OR52N2: variants seen among roughly 807,000 people sequenced by gnomAD.
OR52N2 encodes olfactory receptor family 52 subfamily N member 2, also known as olfactory receptor 52N2.
For missense variants in OR52N2, 326 were observed against 196.6 expected, an observed-to-expected ratio of 1.66 and a Z score of -3.94; for synonymous variants, 129 against 72.0, an observed-to-expected ratio of 1.79 and a Z score of -4.01.
rs748320750 is a variant in OR52N2 at position 5,820,400 on chromosome 11, T to A, written c.65T>A (p.Leu22Gln). The change falls in exon 2 of 2, where the codon CTG becomes CAG. Residue 22 changes from leucine to glutamine, a missense_variant. Transcript: ENST00000317037. ...TTTATCTTGAATGGCGTTCCTGGGCTGGAAGCCACACACATCTGGATCTCC... is the reference window on the plus strand; with the variant it reads ...TTTATCTTGAATGGCGTTCCTGGGCAGGAAGCCACACACATCTGGATCTCC... ...GFFILNGVPG[L>Q]EATHIWISLP... is the part of the protein sequence containing the mutation. 6.4e-6 allele frequency: 5 copies of A among 780,820 alleles called. No individual in the cohort carries two copies. The highest frequency in any genetic ancestry group is 1.2e-5 in the Non-Finnish European group (5 of 418,084). The allele number at this position is 780,820 out of a possible 1,614,324, so 48.4% of individuals were successfully genotyped here. A position where few individuals can be genotyped will look rare whatever the true frequency, so the allele number is the denominator to read the frequency against.
rs745461368 is a variant in OR52N2, at chr11:5,820,834, C to A, written c.499C>A (p.Arg167Ser). The part of the protein sequence containing the change: ...LIIPFTLLTK[R>S]LPYCRGNFIP... ...CATCCCATTCACTCTCCTCACCAAG[C>A]GCCTGCCCTATTGCCGGGGGAACTT... Residue 167 changes from arginine (R) to serine (S), a missense_variant, in exon 2 of 2, where the codon CGC (arginine) becomes AGC (serine). Coordinates refer to ENST00000317037, the MANE Select transcript of OR52N2 (RefSeq NM_001005174.3). 2.3e-5 allele frequency: 18 copies of A among 779,876 alleles called. No homozygotes were observed. Among genetic ancestry groups the A allele is most frequent in the Non-Finnish European group, 4.3e-5 (18 of 417,718 alleles). The allele number at this position is 779,876 out of a possible 1,614,324, so 48.3% of individuals were successfully genotyped here. A position where few individuals can be genotyped will look rare whatever the true frequency, so the allele number is the denominator to read the frequency against.
At chr11:5,813,599 A>T (rs1027111645) in intron 1 of OR52N2, among the ~76,000 whole-genome samples, 10 of 152,334 alleles carry the variant, frequency 6.6e-5, no homozygotes, top group African/African-American at 2.4e-4. Flanking sequence ...TCTACCGAAC[A>T]TTTAAAGGGG....
intron 1 of OR52N2, among the ~76,000 whole-genome samples, chr11:5,817,240 C>T (rs1590367213): frequency 6.6e-6 from 1 of 152,074 alleles, no homozygotes; most frequent in East Asian, 1.9e-4. Context: ...TACTTCATAT[C>T]ATTTCATACA....
intron 1 of OR52N2, among the ~76,000 whole-genome samples, chr11:5,815,977 C>T (rs1241231123): frequency 6.6e-6 from 1 of 151,612 alleles, no homozygotes; most frequent in East Asian, 1.9e-4. Context: ...ACATATAATG[C>T]AATATTACTC....
intron 1 of OR52N2, among the ~76,000 whole-genome samples, chr11:5,816,545 C>CTTTTTTTTTT (rs1464421774): frequency 7.3e-5 from 11 of 150,596 alleles, no homozygotes; most frequent in South Asian, 2.1e-4. Context: ...TGATCTAAAT[C>CTTTTTTTTTT]TTCTTTTTTT....
intron 1 of OR52N2, among the ~76,000 whole-genome samples, chr11:5,814,077 G>A (rs1257062332): frequency 2.6e-5 from 4 of 152,150 alleles, no homozygotes; most frequent in Admixed American, 6.5e-5. Flanking sequence ...AAAGTTGAAA[G>A]CTTTTCCTCT....
chr11:5,811,216 G>C (rs1227629771), intron 1 of OR52N2, among the ~76,000 whole-genome samples: 2 of 152,000 alleles, frequency 1.3e-5, no homozygotes, highest in Non-Finnish European at 2.9e-5. Flanking sequence ...ACAGGATGCT[G>C]ATTAGTGACA....
At chr11:5,812,487 T>A (rs1464736710) in intron 1 of OR52N2, among the ~76,000 whole-genome samples, 6 of 69,206 alleles carry the variant, frequency 8.7e-5, no homozygotes, top group Admixed American at 2.4e-4. Context: ...AGAGCGAGAC[T>A]CCATCTCAAA....
chr11:5,813,290 G>C (rs1471605985), intron 1 of OR52N2, among the ~76,000 whole-genome samples: 1 of 151,688 alleles, frequency 6.6e-6, no homozygotes, highest in African/African-American at 2.4e-5. Flanking sequence ...GAAAAAAGAG[G>C]CATTACAACT....
chr11:5,815,780 C>T (rs777305401), intron 1 of OR52N2, among the ~76,000 whole-genome samples: 3 of 152,042 alleles, frequency 2.0e-5, no homozygotes, highest in Non-Finnish European at 4.4e-5. Context: ...TGCAGTCACA[C>T]GTTCATTGCA....
intron 1 of OR52N2, among the ~76,000 whole-genome samples, chr11:5,814,877 C>T (rs1185630578): frequency 6.6e-6 from 1 of 152,162 alleles, no homozygotes; most frequent in Non-Finnish European, 1.5e-5. Context: ...GTCAGAACTG[C>T]AGACCAATGA....
intron 1 of OR52N2, among the ~76,000 whole-genome samples, chr11:5,812,457 T>C (rs1179965594): frequency 3.0e-5 from 4 of 132,676 alleles, no homozygotes; most frequent in Non-Finnish European, 6.1e-5. Flanking sequence ...ATCCTGCCAC[T>C]GCACTCCAGC....
chr11:5,818,497 A>C lies in OR52N2; in HGVS notation c.-54-1785A>C, dbSNP rs540792190. On this transcript the variant is annotated intron_variant, in intron 1 of 1. Transcript: ENST00000317037. Reference sequence around the variant, plus strand: ...ATCCTAGATTTCAAACAACTCCTAAAGATTCTCAGCCATGCACAGAGATTT... The same window carrying C: ...ATCCTAGATTTCAAACAACTCCTAACGATTCTCAGCCATGCACAGAGATTT... 5.3e-5 allele frequency among the ~76,000 whole-genome samples: 8 copies of C among 152,242 alleles called. No homozygotes were observed. In the South Asian group the frequency reaches 1.7e-3, roughly 32 times the overall value.
intron 1 of OR52N2, among the ~76,000 whole-genome samples, chr11:5,819,101 A>G (rs1170017816): frequency 6.6e-6 from 1 of 152,206 alleles, no homozygotes. Context: ...AATCCATGCC[A>G]TCACACTGCA....
intron 1 of OR52N2, among the ~76,000 whole-genome samples, chr11:5,809,373 T>C (rs935323983): frequency 2.0e-5 from 3 of 152,066 alleles, no homozygotes; most frequent in Non-Finnish European, 2.9e-5. Flanking sequence ...GCTGACCAGA[T>C]TGGCTACTTG....
At chr11:5,810,203 G>T (rs939881351) in intron 1 of OR52N2, among the ~76,000 whole-genome samples, 1 of 152,176 alleles carries the variant, frequency 6.6e-6, no homozygotes, top group Non-Finnish European at 1.5e-5. Context: ...CAAGCTTTCC[G>T]AAAGAGACTT....
chr11:5,818,797 C>T (rs1021270960), intron 1 of OR52N2, among the ~76,000 whole-genome samples: 2 of 152,082 alleles, frequency 1.3e-5, no homozygotes, highest in African/African-American at 4.8e-5. Context: ...ATGGTAGACA[C>T]TAGAAATTTT....
At chr11:5,816,545 C>CTTTTTTTTTTTTTTTTTTTTTTTTTTTT (rs1464421774) in intron 1 of OR52N2, among the ~76,000 whole-genome samples, 1 of 150,604 alleles carries the variant, frequency 6.6e-6, no homozygotes, top group African/African-American at 2.5e-5. Flanking sequence ...TGATCTAAAT[C>CTTTTTTTTTTTTTTTTTTTTTTTTTTTT]TTCTTTTTTT....
intron 1 of OR52N2, among the ~76,000 whole-genome samples, chr11:5,813,073 A>G (rs964130132): frequency 2.0e-5 from 3 of 151,986 alleles, no homozygotes; most frequent in African/African-American, 7.2e-5. Context: ...AAGCAGTTCT[A>G]CAAGGAAAGT....
Sources: gnomAD v4.1 joint callset for allele counts (sites outside exome capture counted in the v4.1 genomes callset) on GRCh38, gnomAD v4.1.1 for gene constraint, MANE v1.5 for transcripts, NCBI Gene and HGNC (gene_info 2026-07-23, HGNC 2026-07-21) for gene names.